Variants in DAW1 observed in about 807,000 individuals in gnomAD.
The protein encoded by DAW1 is dynein assembly factor with WD repeats 1.
DAW1 carries 47 observed loss-of-function variants against 56.5 expected under a neutral mutation model. That is an observed-to-expected ratio of 0.83 (90% CI 0.66 to 1.06). The LOEUF (loss-of-function observed/expected upper bound fraction) is 1.06. Among genes scored for constraint, DAW1 ranks in the 50% least tolerant of loss-of-function variants. The pLI is 0.00. For missense variants in DAW1, 505 were observed against 499.3 expected (o/e 1.01, Z -0.11); for synonymous variants, 190 against 179.0 (o/e 1.06, Z -0.49).
intron 10 of DAW1, among the ~76,000 whole-genome samples, chr2:227,911,211 TATATATACATACATATGTGTATATATAC>T (rs1691806666): frequency 1.5e-5 from 2 of 135,408 alleles, no homozygotes; most frequent in Non-Finnish European, 3.3e-5. Context: ...TATATATGTG[TATATATACATACATATGTGTATATATAC>T]ATATATACAT....
intron 1 of DAW1, among the ~76,000 whole-genome samples, chr2:227,878,809 ATTTT>A (rs61488173): frequency 0.46 from 63,854 of 137,836 alleles, 13,662 homozygotes; most frequent in Admixed American, 0.55. Context: ...TTTAAATTTA[ATTTT>A]TTTTTTTTTT....
At chr2:227,894,663 A>G (rs976404918) in intron 5 of DAW1, among the ~76,000 whole-genome samples, 16 of 152,214 alleles carry the variant, frequency 1.1e-4, no homozygotes, top group African/African-American at 3.6e-4. Flanking sequence ...TGTGTGTGGT[A>G]ACATGCTAAA....
At chr2:227,890,857 A>C (rs1005810454) in intron 3 of DAW1, among the ~76,000 whole-genome samples, 1 of 152,222 alleles carries the variant, frequency 6.6e-6, no homozygotes, top group African/African-American at 2.4e-5. Context: ...AGATTGTCCA[A>C]TTTATGTATA....
At chr2:227,913,776 A>G (rs1053619401) in intron 10 of DAW1, among the ~76,000 whole-genome samples, 1 of 152,008 alleles carries the variant, frequency 6.6e-6, no homozygotes, top group African/African-American at 2.4e-5. Context: ...CATGCTCTTT[A>G]TGGCCACTGA....
In DAW1 at chr2:227,876,334, T is replaced by C; in HGVS notation, c.40+4605T>C. 5.3e-6 allele frequency: 5 copies of C among 946,180 alleles called. No individual in the cohort carries two copies. The South Asian group carries it at 6.9e-5, about 13-fold the overall frequency. The allele number at this position is 946,180 out of a possible 1,614,324, so 58.6% of individuals were successfully genotyped here. A position where few individuals can be genotyped will look rare whatever the true frequency, so the allele number is the denominator to read the frequency against. On this transcript the variant is annotated intron_variant, in intron 1 of 12. Coordinates refer to ENST00000309931, the MANE Select transcript of DAW1 (RefSeq NM_178821.3). ...TGTGCCCGGCCAAGCCTAGGATTCT[T>C]AGGCTCACGTAATTCTCTTGACTCA...
At chr2:227,881,861 T>G (rs1691019797) in intron 1 of DAW1, among the ~76,000 whole-genome samples, 1 of 149,912 alleles carries the variant, frequency 6.7e-6, no homozygotes, top group East Asian at 2.0e-4. Flanking sequence ...CAAGCGATTC[T>G]CCTTCCTCAG....
At chr2:227,899,076 C>T (rs558926225) in intron 6 of DAW1, among the ~76,000 whole-genome samples, 2 of 152,314 alleles carry the variant, frequency 1.3e-5, no homozygotes, top group Admixed American at 1.3e-4. Flanking sequence ...TTGACCAATT[C>T]TGAGACATAT....
intron 5 of DAW1, among the ~76,000 whole-genome samples, chr2:227,897,975 A>G (rs1344244395): frequency 2.6e-5 from 4 of 152,138 alleles, no homozygotes; most frequent in Non-Finnish European, 1.5e-5. Context: ...CTATAACTTT[A>G]ATATAAAACC....
rs1260393604 is a variant in DAW1 at position 227,871,699 on chromosome 2, A to T, written c.10A>T (p.Lys4Ter). The change falls in exon 1 of 13, where the codon AAG becomes TAG. Residue 4 changes from lysine to a stop codon, truncating the protein, a stop_gained. Transcript: ENST00000309931. LOFTEE classifies it high-confidence loss of function. ...ATAAGAGAGCAAGAAAATGAAGCTC[A>T]AGAGCCTCCTGCTCCGGTATTACCC... MKL[K>*]SLLLRYYPPG... is the part of the protein sequence containing the mutation. 3 of 1,613,782 alleles carry T rather than the reference A, an allele frequency of 1.9e-6. No homozygotes were observed. The Admixed American group carries it at 5.0e-5, about 27-fold the overall frequency.
intron 5 of DAW1, among the ~76,000 whole-genome samples, chr2:227,895,764 G>A (rs1442917424): frequency 6.6e-6 from 1 of 152,194 alleles, no homozygotes; most frequent in Non-Finnish European, 1.5e-5. Context: ...TGCCATCAAG[G>A]ATTTGGGAAC....
At chr2:227,912,132 T>C in intron 10 of DAW1, 1 of 363,248 alleles carries the variant, frequency 2.8e-6, no homozygotes. Flanking sequence ...GACTTATGTG[T>C]GTACATTGTC....
intron 1 of DAW1, among the ~76,000 whole-genome samples, chr2:227,873,556 G>T (rs764108000): frequency 9.2e-5 from 14 of 152,148 alleles, no homozygotes; most frequent in Non-Finnish European, 1.9e-4. Flanking sequence ...ACCGATCCTG[G>T]ACAGCTACTT....
chr2:227,871,789 G>A, intron 1 of DAW1, 60 bp downstream of exon 1: 3 of 1,603,810 alleles, frequency 1.9e-6, no homozygotes, highest in Non-Finnish European at 2.6e-6. Context: ...AGACTGGGAG[G>A]GTTTGGGGCG....
At chr2:227,923,823 A>G (rs929090274) in intron 12 of DAW1, 111 bp from the exon 13 acceptor site, 4 of 1,314,540 alleles carry the variant, frequency 3.0e-6, no homozygotes, top group Middle Eastern at 1.9e-4. Context: ...AACCTAGCCC[A>G]TTTAGCAAGT....
intron 6 of DAW1, among the ~76,000 whole-genome samples, chr2:227,900,179 C>G (rs1412265389): frequency 6.6e-6 from 1 of 152,072 alleles, no homozygotes. Context: ...AGGTATTTTC[C>G]CATTTTACAG....
chr2:227,874,535 T>C (rs546465970), intron 1 of DAW1, among the ~76,000 whole-genome samples: 6 of 152,324 alleles, frequency 3.9e-5, no homozygotes, highest in African/African-American at 1.4e-4. Flanking sequence ...TCAACCACTC[T>C]GCTTTTCTTT....
At chr2:227,896,122 C>A (rs543826646) in intron 5 of DAW1, among the ~76,000 whole-genome samples, 1 of 152,002 alleles carries the variant, frequency 6.6e-6, no homozygotes, top group Non-Finnish European at 1.5e-5. Flanking sequence ...AGTGATTAAG[C>A]GTTCCAATTA....
chr2:227,883,041 C>T (rs540008149), intron 1 of DAW1, among the ~76,000 whole-genome samples: 43 of 152,184 alleles, frequency 2.8e-4, no homozygotes, highest in South Asian at 1.2e-3. Context: ...GCTTGAATTA[C>T]GAGATGAACC....
chr2:227,893,870 G>T lies in DAW1; in HGVS notation c.393G>T (p.Glu131Asp). 1.2e-6 allele frequency: 2 copies of T among 1,613,896 alleles called. No homozygotes were observed. The highest frequency in any genetic ancestry group is 1.7e-6 in the Non-Finnish European group (2 of 1,179,936). Residue 131 changes from glutamate (E) to aspartate (D), a missense_variant, in exon 5 of 13, where the codon GAG (glutamate) becomes GAT (aspartate). Glu to Asp is a conservative substitution (Grantham distance 45). Coordinates refer to ENST00000309931, the MANE Select transcript of DAW1 (RefSeq NM_178821.3). The part of the protein sequence containing the change: ...TASGEELNTL[E>D]GHRNVVYAIA... ...CTGGAGAGGAGCTGAACACGCTGGA[G>T]GGCCACAGGAATGTGGTTTATGCCA...
Sources: gnomAD v4.1 joint callset for allele counts (sites outside exome capture counted in the v4.1 genomes callset) on GRCh38, gnomAD v4.1.1 for gene constraint, MANE v1.5 for transcripts, NCBI Gene and HGNC (gene_info 2026-07-23, HGNC 2026-07-21) for gene names.